The following TUSC3 variants were observed in gnomAD, a reference collection of about 807,000 sequenced individuals.
The protein encoded by TUSC3 is tumor suppressor candidate 3.
A neutral mutation model predicts 44.8 loss-of-function variants in TUSC3; 45 were observed. That is an observed-to-expected ratio of 1.00 (90% CI 0.79 to 1.29). TUSC3 has a LOEUF of 1.29. TUSC3 is among the 50% of genes most tolerant of loss of function. The pLI, the probability that TUSC3 is intolerant of heterozygous loss-of-function variation, is 0.00. For synonymous variants in TUSC3, 212 were observed against 152.9 expected (o/e 1.39, Z -2.85); for missense variants, 519 against 437.9 (o/e 1.19, Z -1.65).
intron 7 of TUSC3, among the ~76,000 whole-genome samples, chr8:15,736,165 A>G (rs1414056589): frequency 1.3e-5 from 2 of 152,246 alleles, no homozygotes; most frequent in Non-Finnish European, 2.9e-5. Flanking sequence ...CTGAGATACA[A>G]GAGTCACAAA....
intron 5 of TUSC3, among the ~76,000 whole-genome samples, chr8:15,665,740 A>G: frequency 6.6e-6 from 1 of 151,614 alleles, no homozygotes; most frequent in Middle Eastern, 3.4e-3. Flanking sequence ...TGTAAATATT[A>G]AAACATACAT....
At chr8:15,483,721 T>A (rs535019640) in intron 2 of TUSC3, among the ~76,000 whole-genome samples, 1 of 139,204 alleles carries the variant, frequency 7.2e-6, no homozygotes, top group East Asian at 2.4e-4. Context: ...AGTGGTGCCA[T>A]CTCGGCTCAC....
intron 9 of TUSC3, among the ~76,000 whole-genome samples, chr8:15,754,546 G>A (rs1431176631): frequency 6.6e-6 from 1 of 152,032 alleles, no homozygotes; most frequent in Non-Finnish European, 1.5e-5. Context: ...TTACCCTTTA[G>A]TGAAAATGCA....
the TUSC3 span, among the ~76,000 whole-genome samples, chr8:15,844,907 G>A: frequency 6.6e-6 from 1 of 152,076 alleles, no homozygotes; most frequent in Admixed American, 6.5e-5. Flanking sequence ...TGAGATGATC[G>A]TGAGTGGTCT....
intron 1 of TUSC3, among the ~76,000 whole-genome samples, chr8:15,430,246 G>A (rs374754698): frequency 2.3e-5 from 3 of 130,652 alleles, no homozygotes; most frequent in Non-Finnish European, 5.1e-5. Context: ...ACTGGCAAAC[G>A]GAATCCAGCA....
At chr8:15,510,824 C>G (rs866476893) in intron 2 of TUSC3, among the ~76,000 whole-genome samples, 1 of 151,726 alleles carries the variant, frequency 6.6e-6, no homozygotes, top group East Asian at 1.9e-4. Flanking sequence ...CACAAACATT[C>G]GAAACAAAAT....
chr8:15,554,463 C>T (rs1435274485), intron 1 of TUSC3, among the ~76,000 whole-genome samples: 1 of 151,418 alleles, frequency 6.6e-6, no homozygotes, highest in African/African-American at 2.4e-5. Context: ...GGGTGAGCAG[C>T]CTCCCTGACA....
intron 1 of TUSC3, among the ~76,000 whole-genome samples, chr8:15,574,815 C>A (rs936196476): frequency 6.6e-6 from 1 of 152,018 alleles, no homozygotes; most frequent in African/African-American, 2.4e-5. Context: ...GGGTTTTTAT[C>A]CAGGTGTAAA....
At chr8:15,787,800 G>T in the TUSC3 span, among the ~76,000 whole-genome samples, 5 of 152,170 alleles carry the variant, frequency 3.3e-5, no homozygotes, top group Non-Finnish European at 5.9e-5. Flanking sequence ...GTGATATTAA[G>T]ACCGTTCACG....
chr8:15,513,178 A>G (rs979157812), intron 2 of TUSC3, among the ~76,000 whole-genome samples: 2 of 151,838 alleles, frequency 1.3e-5, no homozygotes, highest in Non-Finnish European at 2.9e-5. Flanking sequence ...ATTATGATAA[A>G]TATCTCTAAA....
intron 6 of TUSC3, among the ~76,000 whole-genome samples, chr8:15,678,597 G>C (rs1270760026): frequency 6.6e-6 from 1 of 152,100 alleles, no homozygotes; most frequent in East Asian, 1.9e-4. Flanking sequence ...GCATATTTAA[G>C]AACATCTATC....
rs1034176028 is a variant in TUSC3 at position 15,515,326 on chromosome 8, A to G, written n.189+31843A>G. On this transcript the variant is annotated intron_variant and non_coding_transcript_variant, in intron 2 of 5. Coordinates refer to the TUSC3 transcript ENST00000503191. ...CACAACAATACTACCAAAATTAAATATTCTCAGATTTTTTACTAACATGGT... is the reference window on the plus strand; with the variant it reads ...CACAACAATACTACCAAAATTAAATGTTCTCAGATTTTTTACTAACATGGT... Among the ~76,000 whole-genome samples, 10 of 152,174 alleles carry G rather than the reference A, an allele frequency of 6.6e-5. No individual in the cohort carries two copies. In the East Asian group the frequency reaches 1.7e-3, roughly 26 times the overall value.
the TUSC3 span, among the ~76,000 whole-genome samples, chr8:15,825,616 T>TA: frequency 6.6e-6 from 1 of 152,126 alleles, no homozygotes; most frequent in Non-Finnish European, 1.5e-5. Flanking sequence ...TAAGACTCTA[T>TA]TAAAGACACT....
At chr8:15,738,827 C>CTTTTTTTTTTTTTTTTTTTTTTTT (rs375655033) in intron 7 of TUSC3, among the ~76,000 whole-genome samples, 4 of 87,202 alleles carry the variant, frequency 4.6e-5, no homozygotes, top group African/African-American at 1.5e-4. Context: ...ATATATCTTG[C>CTTTTTTTTTTTTTTTTTTTTTTTT]TTTTTTTTTT....
the TUSC3 span, among the ~76,000 whole-genome samples, chr8:15,824,389 T>G: frequency 7.2e-5 from 11 of 152,248 alleles, no homozygotes; most frequent in East Asian, 2.1e-3. Flanking sequence ...GCTTAATATA[T>G]ACAAACTTGG....
chr8:15,518,521 AGTT>A (rs1801252484), intron 2 of TUSC3, among the ~76,000 whole-genome samples: 1 of 152,176 alleles, frequency 6.6e-6, no homozygotes, highest in African/African-American at 2.4e-5. Context: ...TATTTTAACT[AGTT>A]GGGTTGGATT....
intron 6 of TUSC3, among the ~76,000 whole-genome samples, chr8:15,680,183 G>A (rs989126196): frequency 2.0e-4 from 31 of 151,918 alleles, no homozygotes; most frequent in Admixed American, 1.6e-3. Flanking sequence ...GCAGAATGGC[G>A]ATTTTAATGA....
chr8:15,526,728 A>G (rs1330098256), intron 2 of TUSC3, among the ~76,000 whole-genome samples: 1 of 152,148 alleles, frequency 6.6e-6, no homozygotes, highest in African/African-American at 2.4e-5. Context: ...AGTCTCAGGT[A>G]TGTGTTCATC....
intron 6 of TUSC3, among the ~76,000 whole-genome samples, chr8:15,717,083 C>T (rs1347963979): frequency 6.6e-6 from 1 of 151,978 alleles, no homozygotes; most frequent in Non-Finnish European, 1.5e-5. Flanking sequence ...AGACAGAATT[C>T]TGGACTTACG....
Sources: gnomAD v4.1 joint callset for allele counts (sites outside exome capture counted in the v4.1 genomes callset) on GRCh38, gnomAD v4.1.1 for gene constraint, MANE v1.5 for transcripts, NCBI Gene and HGNC (gene_info 2026-07-23, HGNC 2026-07-21) for gene names.